Variants in TRPM1 observed in about 807,000 individuals in gnomAD.
TRPM1 encodes TRPM1-203 APA Isoform, Intron 10.
A neutral mutation model predicts 149.4 loss-of-function variants in TRPM1; 113 were observed. The observed-to-expected ratio is 0.76, with a 90% CI of 0.65 to 0.88. The LOEUF (loss-of-function observed/expected upper bound fraction) is 0.88. Among genes scored for constraint, TRPM1 ranks in the 40% least tolerant of loss-of-function variants. The pLI is 0.00. For missense variants in TRPM1, 1,976 were observed against 2,038.7 expected, an observed-to-expected ratio of 0.97 and a Z score of 0.59; for synonymous variants, 741 against 759.5, an observed-to-expected ratio of 0.98 and a Z score of 0.40.
rs2140927023 is a variant in TRPM1 at position 31,040,057 on chromosome 15, G to T, written c.2316+61C>A. ...TAAGCCACAGAAAGTGCTCAGTTCA[G>T]CCTGGCAGAGAGTCACTTGTCACTG... On this transcript the variant is annotated intron_variant, in intron 18 of 27. Transcript: ENST00000256552. This position sits in a 1 kb window ranked among gnomAD's most constrained non-coding sequence, Gnocchi z 4.2. The T allele has an allele frequency of 6.8e-7, 1 of 1,478,244 alleles. No individual in the cohort carries two copies. 91.6% of individuals were successfully genotyped at this position (1,478,244 alleles called of 1,614,324 possible). A position where few individuals can be genotyped will look rare whatever the true frequency, so the allele number is the denominator to read the frequency against.
intron 20 of TRPM1, among the ~76,000 whole-genome samples, 188 bp downstream of exon 20, chr15:31,037,523 A>G (rs1269266130): frequency 6.6e-6 from 1 of 152,248 alleles, no homozygotes; most frequent in Non-Finnish European, 1.5e-5. Flanking sequence ...CCATATATCA[A>G]TATGTGACAG....
chr15:31,097,487 C>T, intron 1 of TRPM1, among the ~76,000 whole-genome samples: 1 of 152,156 alleles, frequency 6.6e-6, no homozygotes, highest in Non-Finnish European at 1.5e-5. Context: ...CCTGGAAATA[C>T]TTTTGCATGT....
At chr15:31,015,082 G>A (rs2032312566) in intron 27 of TRPM1, among the ~76,000 whole-genome samples, 1 of 152,060 alleles carries the variant, frequency 6.6e-6, no homozygotes, top group South Asian at 2.1e-4. Flanking sequence ...GATGAGATGA[G>A]GTCAAAGAAT....
At chr15:31,160,850 G>C in intron 1 of TRPM1, 4 of 1,516,590 alleles carry the variant, frequency 2.6e-6, no homozygotes, top group Non-Finnish European at 3.5e-6. Context: ...CTGGAGACCA[G>C]TGTCCCTCTG....
chr15:31,070,035 G>A lies in TRPM1; in HGVS notation c.275C>T (p.Ala92Val), dbSNP rs1298293488. The A allele has an allele frequency of 3.1e-6, 5 of 1,614,158 alleles. 1 individual carries two copies. The South Asian group carries it at 5.5e-5, about 18-fold the overall frequency. The change falls in exon 4 of 28, where the codon GCC (alanine) becomes GTC (valine). Residue 92 changes from alanine to valine, a missense_variant. Coordinates refer to ENST00000256552, the MANE Select transcript of TRPM1 (RefSeq NM_001252024.2). ...ATGTCTGAATGCCTTTCTCACCATG[G>A]CTTTATTGGAATATCCGCCACCCTG... is the stretch of plus-strand genomic sequence containing the variant. ...EFQGGGYSNK[A>V]MYIRVSYDTK... is the part of the protein sequence containing the mutation.
intron 1 of TRPM1, among the ~76,000 whole-genome samples, chr15:31,134,764 G>C (rs2036065828): frequency 1.3e-5 from 2 of 152,240 alleles, no homozygotes; most frequent in African/African-American, 4.8e-5. Context: ...CACTTTGGGA[G>C]GCCAAGGTGG....
intron 1 of TRPM1, among the ~76,000 whole-genome samples, chr15:31,109,716 C>A (rs1010622818): frequency 4.9e-5 from 7 of 142,878 alleles, no homozygotes; most frequent in South Asian, 2.2e-4. Context: ...AAAAAAAAAA[C>A]CAGGAGTAAT....
At chr15:31,075,458 G>A (rs1417314095) in intron 3 of TRPM1, among the ~76,000 whole-genome samples, 3 of 152,154 alleles carry the variant, frequency 2.0e-5, no homozygotes, top group Non-Finnish European at 4.4e-5. Context: ...TTGCTTTAAA[G>A]TATGTTTTGT....
chr15:31,042,312 G>A (rs1053262103), intron 16 of TRPM1, 69 bp from the exon 17 acceptor site: 1 of 1,506,816 alleles, frequency 6.6e-7, no homozygotes, highest in Non-Finnish European at 9.0e-7. Context: ...CAGAACTCCT[G>A]GAGAAAGGGA....
intron 1 of TRPM1, among the ~76,000 whole-genome samples, chr15:31,142,657 A>G (rs2036175820): frequency 1.3e-5 from 2 of 152,116 alleles, no homozygotes; most frequent in African/African-American, 4.8e-5. Context: ...CTTATTTTTG[A>G]TCAAGTCTTT....
At chr15:31,025,214 T>G (rs940638857) in intron 27 of TRPM1, among the ~76,000 whole-genome samples, 1 of 152,216 alleles carries the variant, frequency 6.6e-6, no homozygotes, top group Non-Finnish European at 1.5e-5. Flanking sequence ...TCCTCTGAGC[T>G]CATCCTTCTG....
chr15:31,072,018 TAGAGAGAGAGAGAG>T (rs61039099), intron 3 of TRPM1, among the ~76,000 whole-genome samples: 2 of 36,898 alleles, frequency 5.4e-5, no homozygotes, highest in Non-Finnish European at 9.3e-5. Flanking sequence ...TATATATATA[TAGAGAGAGAGAGAG>T]AGAGAGAGAG....
intron 1 of TRPM1, among the ~76,000 whole-genome samples, chr15:31,150,127 G>A (rs2036280205): frequency 6.6e-6 from 1 of 152,208 alleles, no homozygotes; most frequent in African/African-American, 2.4e-5. Context: ...AGTGTCCTCA[G>A]CCTAGCCTGG....
At chr15:31,095,915 A>C (rs1158765471) in intron 1 of TRPM1, among the ~76,000 whole-genome samples, 1 of 151,908 alleles carries the variant, frequency 6.6e-6, no homozygotes, top group African/African-American at 2.4e-5. Flanking sequence ...GCGTGGTGGC[A>C]GTTGCCTGTA....
chr15:31,046,352 T>A, intron 15 of TRPM1, 119 bp from the exon 16 acceptor site: 1 of 900,084 alleles, frequency 1.1e-6, no homozygotes, highest in Non-Finnish European at 1.8e-6. Context: ...TTTGTATCAT[T>A]AACAATTAAT....
chr15:31,130,959 C>G (rs1315953388), intron 1 of TRPM1, among the ~76,000 whole-genome samples: 1 of 152,134 alleles, frequency 6.6e-6, no homozygotes, highest in African/African-American at 2.4e-5. Context: ...TTGGCTCTGT[C>G]TAGGCAGAGG....
intron 1 of TRPM1, among the ~76,000 whole-genome samples, chr15:31,092,742 C>A (rs79473216): frequency 6.6e-6 from 1 of 152,120 alleles, no homozygotes; most frequent in Non-Finnish European, 1.5e-5. Context: ...GATGCCCAGC[C>A]GCGGTAGCAT....
intron 1 of TRPM1, among the ~76,000 whole-genome samples, chr15:31,125,747 AAAAAAAAAATT>A (rs2035942567): frequency 1.4e-5 from 2 of 142,202 alleles, no homozygotes; most frequent in South Asian, 2.2e-4. Flanking sequence ...AAAAAAAAAA[AAAAAAAAAATT>A]ATTAAAAAAT....
chr15:31,071,409 G>T (rs2034534776), intron 3 of TRPM1, among the ~76,000 whole-genome samples: 1 of 150,848 alleles, frequency 6.6e-6, no homozygotes, highest in Admixed American at 6.7e-5. Context: ...GCGAATGCGT[G>T]CACGTGTGTA....
Sources: allele counts gnomAD v4.1 joint callset (sites outside exome capture counted in the v4.1 genomes callset), GRCh38; gene constraint gnomAD v4.1.1; non-coding constraint Gnocchi (gnomAD v3.1); transcripts MANE v1.5; gene names NCBI Gene and HGNC (gene_info 2026-07-23, HGNC 2026-07-21).